The following DNER variants were observed in gnomAD, a reference collection of about 807,000 sequenced individuals.
The protein encoded by DNER is delta/notch like EGF repeat containing, also known as delta and Notch-like epidermal growth factor-related receptor.
A neutral mutation model predicts 78.2 loss-of-function variants in DNER; 33 were observed. The ratio of observed to expected loss-of-function variants is 0.42; its 90% CI spans 0.32 to 0.56. DNER has a LOEUF of 0.56. Ranked by LOEUF, DNER falls within the 20% of genes least tolerant of loss-of-function variation. DNER has a pLI of 0.11. For missense variants in DNER, 918 were observed against 975.3 expected, an observed-to-expected ratio of 0.94 and a Z score of 0.78; for synonymous variants, 417 against 384.8, an observed-to-expected ratio of 1.08 and a Z score of -0.98.
Position 229,418,097 on chromosome 2 carries a change from C to T in DNER, c.1609+11G>A, listed in dbSNP as rs373256941. On this transcript the variant is annotated intron_variant, in intron 9 of 12. Transcript: ENST00000341772. ...GCCATTCTGGCACAGGAAGGCCAGG[C>T]GGCCTCTCACCTTTGTATTCTGCCA... 3.7e-5 allele frequency: 60 copies of T among 1,614,100 alleles called. No homozygotes were observed. Among genetic ancestry groups the T allele is most frequent in the Middle Eastern group, 3.3e-4 (2 of 6,054 alleles).
chr2:229,521,227 TA>T (rs1696091049), intron 5 of DNER, among the ~76,000 whole-genome samples: 1 of 152,040 alleles, frequency 6.6e-6, no homozygotes, highest in South Asian at 2.1e-4. Context: ...ATTCCAGGAG[TA>T]AGGGCTTTCT....
intron 1 of DNER, among the ~76,000 whole-genome samples, chr2:229,712,755 T>C (rs541268255): frequency 5.9e-5 from 9 of 152,190 alleles, no homozygotes; most frequent in Non-Finnish European, 1.3e-4. Flanking sequence ...CCAAATCTAC[T>C]CCTGAGGCTC....
chr2:229,426,057 T>C (rs1353172543), intron 8 of DNER, among the ~76,000 whole-genome samples: 1 of 152,190 alleles, frequency 6.6e-6, no homozygotes, highest in African/African-American at 2.4e-5. Context: ...CTTTTCAGCA[T>C]GAGTGGATAA....
chr2:229,617,845 A>C (rs192264451), intron 1 of DNER, among the ~76,000 whole-genome samples: 25 of 152,170 alleles, frequency 1.6e-4, no homozygotes, highest in Admixed American at 6.5e-4. Flanking sequence ...CCAGCTACTT[A>C]GGAGGCTGTG....
At chr2:229,566,634 A>G (rs979162822) in intron 4 of DNER, among the ~76,000 whole-genome samples, 2 of 151,944 alleles carry the variant, frequency 1.3e-5, no homozygotes, top group African/African-American at 4.8e-5. Context: ...TTATTTTTCC[A>G]CTTGCTAGAG....
chr2:229,529,367 A>T (rs1696263197), intron 5 of DNER, among the ~76,000 whole-genome samples: 1 of 152,128 alleles, frequency 6.6e-6, no homozygotes, highest in African/African-American at 2.4e-5. Flanking sequence ...CTCCAACTCC[A>T]AGTGAACCAC....
chr2:229,590,687 C>T (rs921556552), intron 2 of DNER, among the ~76,000 whole-genome samples: 6 of 152,170 alleles, frequency 3.9e-5, no homozygotes, highest in African/African-American at 1.4e-4. Flanking sequence ...AGTGAGAAGA[C>T]GCGGGCTGTG....
chr2:229,662,731 C>T (rs974033852), intron 1 of DNER, among the ~76,000 whole-genome samples: 1 of 152,204 alleles, frequency 6.6e-6, no homozygotes, highest in Non-Finnish European at 1.5e-5. Flanking sequence ...CCAGGCTCAT[C>T]AGGTCAACAA....
At chr2:229,528,005 C>G (rs1282978253) in intron 5 of DNER, among the ~76,000 whole-genome samples, 6 of 152,182 alleles carry the variant, frequency 3.9e-5, no homozygotes, top group African/African-American at 1.2e-4. Flanking sequence ...CAACACAGGT[C>G]TTTAAAAAAA....
At chr2:229,498,601 T>A (rs60909254) in intron 6 of DNER, among the ~76,000 whole-genome samples, 3,696 of 152,286 alleles carry the variant, frequency 0.024, 163 homozygotes, top group African/African-American at 0.085. Context: ...CAAAATGCAG[T>A]AGCATTTCTG....
intron 1 of DNER, among the ~76,000 whole-genome samples, chr2:229,629,490 C>G (rs571037190): frequency 6.6e-6 from 1 of 152,272 alleles, no homozygotes; most frequent in Non-Finnish European, 1.5e-5. Flanking sequence ...TTGTTGCCCC[C>G]ATTTGAATCA....
intron 1 of DNER, among the ~76,000 whole-genome samples, chr2:229,666,140 C>A (rs576238008): frequency 1.0e-3 from 154 of 152,208 alleles, no homozygotes; most frequent in Non-Finnish European, 1.9e-3. Flanking sequence ...ATCCGCTACA[C>A]AAGTCCTGCC....
intron 1 of DNER, among the ~76,000 whole-genome samples, chr2:229,606,496 A>AT (rs893961528): frequency 2.0e-5 from 3 of 151,438 alleles, no homozygotes; most frequent in African/African-American, 4.9e-5. Flanking sequence ...GGATTAAAAA[A>AT]AAATAAAATT....
intron 4 of DNER, among the ~76,000 whole-genome samples, chr2:229,578,173 T>C (rs1482372176): frequency 6.6e-6 from 1 of 152,164 alleles, no homozygotes; most frequent in Non-Finnish European, 1.5e-5. Flanking sequence ...ATGCTAAGCA[T>C]CTTTCACTTC....
intron 5 of DNER, among the ~76,000 whole-genome samples, chr2:229,544,315 C>T (rs1177812700): frequency 1.3e-5 from 2 of 152,118 alleles, no homozygotes. Flanking sequence ...CCTGGCTCTG[C>T]ACCTCCTGGC....
At chr2:229,436,745 G>T (rs994513320) in intron 8 of DNER, among the ~76,000 whole-genome samples, 6 of 152,200 alleles carry the variant, frequency 3.9e-5, no homozygotes, top group African/African-American at 1.4e-4. Context: ...ACAAGCAAAT[G>T]TTAGGGGAAT....
rs1416124991 is a variant in DNER, at chr2:229,578,675, G to A, written c.847+7183C>T. Among the ~76,000 whole-genome samples, 8 of 152,054 alleles carry A rather than the reference G, an allele frequency of 5.3e-5. No homozygotes were observed. The East Asian group carries it at 1.5e-3, about 29-fold the overall frequency. ...GCCCCAGTGGTGCCCCCTGCCTTCAGGAAGACTTTCTCCAAAATCACTCTC... is the reference window on the plus strand; with the variant it reads ...GCCCCAGTGGTGCCCCCTGCCTTCAAGAAGACTTTCTCCAAAATCACTCTC... On this transcript the variant is annotated intron_variant, in intron 4 of 12. Coordinates refer to ENST00000341772, the MANE Select transcript of DNER (RefSeq NM_139072.4).
At chr2:229,633,035 T>A (rs1311090617) in intron 1 of DNER, among the ~76,000 whole-genome samples, 3 of 152,216 alleles carry the variant, frequency 2.0e-5, no homozygotes, top group Non-Finnish European at 4.4e-5. Context: ...ACCTATGATG[T>A]TGTAAATTGG....
At chr2:229,409,363 G>T (rs953301923) in intron 9 of DNER, among the ~76,000 whole-genome samples, 2 of 152,196 alleles carry the variant, frequency 1.3e-5, no homozygotes, top group Admixed American at 1.3e-4. Flanking sequence ...GTTCAGAGGT[G>T]CCTGAAGCCT....
Sources: gnomAD v4.1 joint callset for allele counts (sites outside exome capture counted in the v4.1 genomes callset) on GRCh38, gnomAD v4.1.1 for gene constraint, MANE v1.5 for transcripts, NCBI Gene and HGNC (gene_info 2026-07-23, HGNC 2026-07-21) for gene names.